The following CELF1 variants were observed in gnomAD, a reference collection of about 807,000 sequenced individuals.
CELF1 encodes CUGBP Elav-like family member 1.
A neutral mutation model predicts 61.8 loss-of-function variants in CELF1; 10 were observed. The observed-to-expected ratio is 0.16, with a 90% CI of 0.10 to 0.27. CELF1 has a LOEUF of 0.27. Ranked by LOEUF, CELF1 falls within the 10% of genes least tolerant of loss-of-function variation. The pLI, the probability that CELF1 is intolerant of heterozygous loss-of-function variation, is 1.00. For missense variants in CELF1, 380 were observed against 639.1 expected (o/e 0.59, Z 4.37); for synonymous variants, 236 against 225.1 (o/e 1.05, Z -0.43).
chr11:47,491,199 G>A (rs1403412213), intron 3 of CELF1, among the ~76,000 whole-genome samples: 1 of 151,018 alleles, frequency 6.6e-6, no homozygotes. Context: ...GATTCTCTCT[G>A]TTGCCCAGGC....
upstream of CELF1, among the ~76,000 whole-genome samples, chr11:47,553,805 A>T (rs7479463): frequency 0.96 from 142,708 of 148,658 alleles, 68,580 homozygotes; most frequent in Non-Finnish European, 0.99. Context: ...CCGAAAAAAA[A>T]ATATATATAT....
At chr11:47,502,509 CGTGT>C (rs951061666) in intron 1 of CELF1, among the ~76,000 whole-genome samples, 2 of 151,808 alleles carry the variant, frequency 1.3e-5, no homozygotes, top group Non-Finnish European at 2.9e-5. Context: ...CCCGTGTGTG[CGTGT>C]GTGTGTATGT....
chr11:47,551,760 C>A (rs2097143043), intron 1 of CELF1, among the ~76,000 whole-genome samples: 1 of 152,126 alleles, frequency 6.6e-6, no homozygotes, highest in African/African-American at 2.4e-5. Flanking sequence ...CGCCTGTAAT[C>A]CCCAGCACTC....
rs187982172 is a variant in CELF1 at position 47,479,086 on chromosome 11, C to A, written c.769-134G>T. On this transcript the variant is annotated intron_variant, in intron 9 of 14. Coordinates refer to ENST00000687097, the MANE Select transcript of CELF1 (RefSeq NM_001376376.1). Reference sequence around the variant, plus strand: ...AGAAAGTCAAAGACAAGAACCCAAGCCAACACAACAGAAACATGAGGCTTA... The same window carrying A: ...AGAAAGTCAAAGACAAGAACCCAAGACAACACAACAGAAACATGAGGCTTA... 2.7e-4 allele frequency: 177 copies of A among 644,752 alleles called. No individual in the cohort carries two copies. The Admixed American group carries it at 4.4e-3, about 16-fold the overall frequency. The allele number at this position is 644,752 out of a possible 1,614,324, so 39.9% of individuals were successfully genotyped here.
At chr11:47,519,175 A>G (rs1312173806) in intron 1 of CELF1, among the ~76,000 whole-genome samples, 1 of 152,112 alleles carries the variant, frequency 6.6e-6, no homozygotes, top group Non-Finnish European at 1.5e-5. Flanking sequence ...GACAAATTCT[A>G]TTCTATTCTA....
In CELF1 at chr11:47,484,974, G is replaced by A. The variant is rs1158855517; in HGVS notation, c.392-451C>T. On this transcript the variant is annotated intron_variant, in intron 6 of 14. Transcript: ENST00000687097. ...ATTACAGGTGTGACCCACCACGCCC[G>A]GCTTCACGTCTCTTTTTATAACCAA... Among the ~76,000 whole-genome samples, 10 of 152,018 alleles carry A rather than the reference G, an allele frequency of 6.6e-5. No individual in the cohort carries two copies. In the South Asian group the frequency reaches 1.2e-3, roughly 19 times the overall value.
Position 47,473,084 on chromosome 11 carries a change from A to G in CELF1, c.1417+4T>C. 2 of 1,613,534 alleles carry G rather than the reference A, an allele frequency of 1.2e-6. No individual in the cohort carries two copies. Among genetic ancestry groups the G allele is most frequent in the South Asian group, 2.2e-5 (2 of 90,954 alleles). On this transcript the variant is annotated splice_donor_region_variant and intron_variant, in intron 14 of 14. Transcript: ENST00000687097. ...ATCCTGACACCAGAGAGAAGCCAACATACCAAAACACTTGCTCAGGTTTGT... is the reference window on the plus strand; with the variant it reads ...ATCCTGACACCAGAGAGAAGCCAACGTACCAAAACACTTGCTCAGGTTTGT...
intron 1 of CELF1, among the ~76,000 whole-genome samples, chr11:47,504,903 A>AC (rs1405370489): frequency 2.1e-5 from 1 of 47,576 alleles, no homozygotes; most frequent in Non-Finnish European, 5.2e-5. Context: ...CTCTGTCACC[A>AC]AAAAAAAAAA....
rs550991979 is a variant in CELF1 at position 47,513,413 on chromosome 11, C to T, written c.-153-12481G>A. On this transcript the variant is annotated intron_variant, in intron 1 of 14. Transcript: ENST00000687097. Reference sequence around the variant, plus strand: ...CACTTCCTAGTTTTTTGGGGGTTTTCCCCCCTGAAATTGCAGGTACTGTAA... The same window carrying T: ...CACTTCCTAGTTTTTTGGGGGTTTTTCCCCCTGAAATTGCAGGTACTGTAA... Among the ~76,000 whole-genome samples the T allele has an allele frequency of 1.9e-4, 27 of 142,540 alleles. No homozygotes were observed. In the South Asian group the frequency reaches 5.6e-3, roughly 30 times the overall value. The allele number at this position is 142,540 out of a possible 152,430, so 93.5% of individuals were successfully genotyped here. A position where few individuals can be genotyped will look rare whatever the true frequency, so the allele number is the denominator to read the frequency against.
intron 1 of CELF1, among the ~76,000 whole-genome samples, chr11:47,532,278 G>A (rs1301564674): frequency 6.6e-5 from 10 of 152,116 alleles, no homozygotes; most frequent in Non-Finnish European, 1.0e-4. Flanking sequence ...GATCCACCTC[G>A]GCCTCCCAAA....
At chr11:47,482,591 T>C in intron 9 of CELF1, 104 bp downstream of exon 9, 4 of 1,097,732 alleles carry the variant, frequency 3.6e-6, no homozygotes, top group Non-Finnish European at 1.3e-6. Flanking sequence ...AATTTCTATA[T>C]GCCAAAAGTT....
At chr11:47,493,829 A>T (rs1256963488) in intron 3 of CELF1, among the ~76,000 whole-genome samples, 2 of 152,118 alleles carry the variant, frequency 1.3e-5, no homozygotes, top group Non-Finnish European at 2.9e-5. Context: ...GCAGTCACAA[A>T]CTTTCTCTGA....
intron 6 of CELF1, among the ~76,000 whole-genome samples, chr11:47,485,626 G>C (rs1484049051): frequency 1.3e-5 from 2 of 150,746 alleles, no homozygotes; most frequent in Admixed American, 1.3e-4. Flanking sequence ...CTGTCACCCA[G>C]GCTGGAGTGC....
chr11:47,488,811 G>C, intron 4 of CELF1, 26 bp downstream of exon 4: 1 of 1,414,918 alleles, frequency 7.1e-7, no homozygotes, highest in Non-Finnish European at 9.3e-7. Flanking sequence ...GAAAAAATAA[G>C]ATAAACCAAA....
At position 47,541,194 on chromosome 11, in the gene CELF1, T is replaced by C. The variant is rs2096764711; in HGVS notation, c.-154+11798A>G. ...AACAAAAACTTAACAGATGTCCAAA[T>C]AATACTGGGTTAAAAAAGACAATCT... On this transcript the variant is annotated intron_variant, in intron 1 of 14. Transcript: ENST00000687097. 2.6e-5 allele frequency among the ~76,000 whole-genome samples: 4 copies of C among 152,124 alleles called. No individual in the cohort carries two copies. The South Asian group carries it at 8.3e-4, about 31-fold the overall frequency.
intron 3 of CELF1, among the ~76,000 whole-genome samples, chr11:47,494,916 AGTT>A (rs1214809141): frequency 1.3e-5 from 2 of 152,178 alleles, no homozygotes; most frequent in African/African-American, 2.4e-5. Context: ...AACATTTTAT[AGTT>A]GTTGTTGTTT....
At chr11:47,489,930 A>G (rs1172730184) in intron 3 of CELF1, among the ~76,000 whole-genome samples, 2 of 28,108 alleles carry the variant, frequency 7.1e-5, no homozygotes, top group African/African-American at 3.8e-4. Context: ...AGAACATACC[A>G]TCTTGTTTTT....
chr11:47,549,811 GTTTT>G (rs1157763467), intron 1 of CELF1, among the ~76,000 whole-genome samples: 11 of 133,292 alleles, frequency 8.3e-5, no homozygotes, highest in African/African-American at 2.6e-4. Flanking sequence ...AATGTTGTGG[GTTTT>G]TTTTGTTTTT....
At chr11:47,480,260 T>C (rs545999540) in intron 9 of CELF1, among the ~76,000 whole-genome samples, 2 of 152,294 alleles carry the variant, frequency 1.3e-5, no homozygotes, top group South Asian at 4.1e-4. Flanking sequence ...CTAATTTTTG[T>C]ATTTTTAGTA....
Sources: gnomAD v4.1 joint callset for allele counts (sites outside exome capture counted in the v4.1 genomes callset) on GRCh38, gnomAD v4.1.1 for gene constraint, MANE v1.5 for transcripts, NCBI Gene and HGNC (gene_info 2026-07-23, HGNC 2026-07-21) for gene names.